Variants in SLC17A4 observed in about 807,000 individuals in gnomAD.
SLC17A4 encodes the protein solute carrier family 17 member 4.
Under a neutral mutation model 52.5 loss-of-function variants are expected in SLC17A4, and 33 were observed. That is an observed-to-expected ratio of 0.63 (90% CI 0.48 to 0.84). The LOEUF (loss-of-function observed/expected upper bound fraction) is 0.84. Ranked by LOEUF, SLC17A4 falls within the 40% of genes least tolerant of loss-of-function variation. The pLI is 0.00. For missense variants in SLC17A4, 585 were observed against 597.1 expected (o/e 0.98, Z 0.21); for synonymous variants, 225 against 216.2 (o/e 1.04, Z -0.36).
At chr6:25,768,650 G>C (rs546321113) in intron 2 of SLC17A4, among the ~76,000 whole-genome samples, 7 of 152,004 alleles carry the variant, frequency 4.6e-5, no homozygotes, top group Non-Finnish European at 1.0e-4. Context: ...ATACCCAATC[G>C]GTCACTGCTC....
chr6:25,755,184 T>G (rs151295219), intron 1 of SLC17A4, among the ~76,000 whole-genome samples: 1,956 of 152,134 alleles, frequency 0.013, 27 homozygotes, highest in Non-Finnish European at 0.015. Context: ...AAATCCACAG[T>G]GAGACAATAA....
chr6:25,768,779 C>T (rs1281697112), intron 2 of SLC17A4, among the ~76,000 whole-genome samples: 1 of 152,176 alleles, frequency 6.6e-6, no homozygotes, highest in African/African-American at 2.4e-5. Flanking sequence ...ACACATTCTT[C>T]AAGTCTCTGA....
chr6:25,773,392 A>G lies in SLC17A4; in HGVS notation c.824A>G (p.Gln275Arg). 6.2e-7 allele frequency: 1 copy of G among 1,613,444 alleles called. No homozygotes were observed. Among genetic ancestry groups the G allele is most frequent in the East Asian group, 2.2e-5 (1 of 44,858 alleles). ...TACATTGTGTGTTCATTGGCTCAGC[A>G]GGTACATTGAGGAACTCCTCTGACA... Reference protein sequence around the residue: ...KRYIVCSLAQQDCSPGWSLPI... With the variant: ...KRYIVCSLAQRDCSPGWSLPI... The change falls in exon 7 of 12, where the codon CAG (glutamine) becomes CGG (arginine). Residue 275 changes from glutamine to arginine, a missense_variant and splice_region_variant. By Grantham distance (43) the Gln-to-Arg change is conservative. Coordinates refer to ENST00000377905, the MANE Select transcript of SLC17A4 (RefSeq NM_005495.3).
Position 25,776,584 on chromosome 6 carries a change from C to T in SLC17A4, c.988-11C>T. The T allele has an allele frequency of 6.3e-7, 1 of 1,592,182 alleles. No individual in the cohort carries two copies. Among genetic ancestry groups the T allele is most frequent in the Non-Finnish European group, 8.6e-7 (1 of 1,168,730 alleles). On this transcript the variant is annotated splice_polypyrimidine_tract_variant and intron_variant, in intron 8 of 11. Transcript: ENST00000377905. ...AGGGCACATGCACCTGACCTAGTCT[C>T]TGGTCCTCAGAGTGGGATCCTGTCT...
intron 2 of SLC17A4, among the ~76,000 whole-genome samples, chr6:25,764,252 A>G (rs1761810978): frequency 6.6e-6 from 1 of 152,166 alleles, no homozygotes; most frequent in Non-Finnish European, 1.5e-5. Context: ...TAGCTTCCAG[A>G]TATTTGTCCC....
chr6:25,760,688 AC>A, intron 1 of SLC17A4, among the ~76,000 whole-genome samples: 1 of 152,304 alleles, frequency 6.6e-6, no homozygotes, highest in African/African-American at 2.4e-5. Context: ...TTTATTCTGT[AC>A]AATTTACATA....
chr6:25,755,048 T>TACACACACACACAC lies in SLC17A4; in HGVS notation c.-37+289_-37+302dup, dbSNP rs35878702. Reference sequence around the variant, plus strand: ...AGACAGACAGACAGACACACACACATACACACACACACACACACACACACA... The same window carrying TACACACACACACAC: ...AGACAGACAGACAGACACACACACATACACACACACACACACACACACACACACACACACACACA... On this transcript the variant is annotated intron_variant, in intron 1 of 11. Coordinates refer to ENST00000377905, the MANE Select transcript of SLC17A4 (RefSeq NM_005495.3). Among the ~76,000 whole-genome samples, 149 of 145,052 alleles carry TACACACACACACAC rather than the reference T, an allele frequency of 1.0e-3. 1 individual carries two copies. The highest frequency in any genetic ancestry group is 3.5e-3 in the African/African-American group (139 of 39,280).
intron 4 of SLC17A4, 29 bp downstream of exon 4, chr6:25,770,329 G>C (rs1464706511): frequency 6.2e-7 from 1 of 1,613,764 alleles, no homozygotes; most frequent in East Asian, 2.2e-5. Context: ...GGTATAAGTG[G>C]AATATAGGTT....
intron 1 of SLC17A4, among the ~76,000 whole-genome samples, chr6:25,757,332 C>T (rs947844023): frequency 6.6e-6 from 1 of 152,116 alleles, no homozygotes; most frequent in Non-Finnish European, 1.5e-5. Context: ...ATTTCACCAG[C>T]ACCTACTGCT....
intron 2 of SLC17A4, among the ~76,000 whole-genome samples, chr6:25,762,976 T>C (rs1761676505): frequency 6.6e-6 from 1 of 152,200 alleles, no homozygotes; most frequent in South Asian, 2.1e-4. Context: ...CAAGGTGCAG[T>C]ATGGCATACT....
chr6:25,777,701 G>C (rs1763050778), intron 10 of SLC17A4: 2 of 435,326 alleles, frequency 4.6e-6, no homozygotes, highest in Non-Finnish European at 8.2e-6. Context: ...GGGAGTACCA[G>C]TCCCTAGCAC....
chr6:25,776,100 T>C (rs1356222361), intron 8 of SLC17A4, among the ~76,000 whole-genome samples: 1 of 152,008 alleles, frequency 6.6e-6, no homozygotes, highest in Admixed American at 6.6e-5. Context: ...AGAGCACCAG[T>C]AATATTTGTG....
chr6:25,777,366 A>T (rs1254221729), intron 10 of SLC17A4: 2 of 170,678 alleles, frequency 1.2e-5, no homozygotes, highest in Admixed American at 5.9e-5. Flanking sequence ...CAGTAAAAAC[A>T]GTTGACTGAG....
At chr6:25,761,095 T>G (rs540463096) in intron 1 of SLC17A4, among the ~76,000 whole-genome samples, 83 of 152,286 alleles carry the variant, frequency 5.5e-4, no homozygotes, top group African/African-American at 1.9e-3. Flanking sequence ...TTTGGTCAGT[T>G]TTTTAGCTGG....
rs1403886006 is a variant in SLC17A4, at chr6:25,779,227, A to C, written c.*39A>C. 2 of 1,608,836 alleles carry C rather than the reference A, an allele frequency of 1.2e-6. No individual in the cohort carries two copies. The highest frequency in any genetic ancestry group is 4.5e-5 in the East Asian group (2 of 44,708). On this transcript the variant is annotated 3_prime_UTR_variant, in exon 12 of 12. Transcript: ENST00000377905. ...TGTGCTAGATCCTGGTGCTTAGTTC[A>C]TCATTGTTTTCCCTCACAGACATTT...
At position 25,776,802 on chromosome 6, in the gene SLC17A4, C is replaced by T; in HGVS notation, c.1121-10C>T. 1.2e-6 allele frequency: 2 copies of T among 1,613,924 alleles called. No homozygotes were observed. Among genetic ancestry groups the T allele is most frequent in the East Asian group, 2.2e-5 (1 of 44,866 alleles). ...CTTCAGTTTACTCTGTGTTTGTCCT[C>T]CTACCCCAGGGGTTCTCTTCCCATC... On this transcript the variant is annotated splice_polypyrimidine_tract_variant and intron_variant, in intron 9 of 11. Coordinates refer to ENST00000377905, the MANE Select transcript of SLC17A4 (RefSeq NM_005495.3).
intron 3 of SLC17A4, 104 bp downstream of exon 3, chr6:25,769,294 T>C: frequency 9.3e-7 from 1 of 1,077,040 alleles, no homozygotes; most frequent in Non-Finnish European, 1.3e-6. Context: ...TTACTGAACA[T>C]GTACTATGTG....
Position 25,779,099 on chromosome 6 carries a change from G to C in SLC17A4, c.1405G>C (p.Val469Leu), listed in dbSNP as rs1369496614. The C allele has an allele frequency of 6.2e-7, 1 of 1,613,912 alleles. No individual in the cohort carries two copies. The highest frequency in any genetic ancestry group is 8.5e-7 in the Non-Finnish European group (1 of 1,179,822). ...AAATGTCTTCTTGCTTTCAGCTGCTGTTAACATATCGGGCCTGGTTTTCTA... is the reference window on the plus strand; with the variant it reads ...AAATGTCTTCTTGCTTTCAGCTGCTCTTAACATATCGGGCCTGGTTTTCTA... ...WRNVFLLSAA[V>L]NISGLVFYLI... The change falls in exon 12 of 12, where the codon GTT becomes CTT. Residue 469 changes from valine (V) to leucine (L), a missense_variant. Physicochemically the swap from Val to Leu is conservative, Grantham distance 32. Coordinates refer to ENST00000377905, the MANE Select transcript of SLC17A4 (RefSeq NM_005495.3).
chr6:25,755,113 A>AG (rs1760902455), intron 1 of SLC17A4, among the ~76,000 whole-genome samples: 1 of 151,752 alleles, frequency 6.6e-6, no homozygotes, highest in African/African-American at 2.4e-5. Context: ...GAAGAGACAG[A>AG]AACTAAATGA....
Sources: gnomAD v4.1 joint callset for allele counts (sites outside exome capture counted in the v4.1 genomes callset) on GRCh38, gnomAD v4.1.1 for gene constraint, MANE v1.5 for transcripts, NCBI Gene and HGNC (gene_info 2026-07-23, HGNC 2026-07-21) for gene names.